PRMT8: variants seen among roughly 807,000 people sequenced by gnomAD.
PRMT8 encodes protein arginine methyltransferase 8.
A neutral mutation model predicts 47.1 loss-of-function variants in PRMT8; 7 were observed. That is an observed-to-expected ratio of 0.15 (90% confidence interval 0.08 to 0.28). The LOEUF (loss-of-function observed/expected upper bound fraction) is 0.28. PRMT8 is among the 10% of genes least tolerant of loss of function. PRMT8 has a pLI of 1.00. For synonymous variants in PRMT8, 188 were observed against 186.5 expected (o/e 1.01, Z -0.07); for missense variants, 237 against 505.4 (o/e 0.47, Z 5.09).
intron 1 of PRMT8, among the ~76,000 whole-genome samples, chr12:3,384,640 C>CT (rs879926879): frequency 2.6e-5 from 4 of 151,822 alleles, no homozygotes. Context: ...GGATGTTCTC[C>CT]TTTTTTTTAA....
At chr12:3,562,483 C>T (rs1027111380) in intron 4 of PRMT8, among the ~76,000 whole-genome samples, 2 of 152,058 alleles carry the variant, frequency 1.3e-5, no homozygotes, top group Non-Finnish European at 2.9e-5. Context: ...AACAAAATCA[C>T]AACATCATCA....
intron 4 of PRMT8, among the ~76,000 whole-genome samples, chr12:3,562,118 G>C (rs900277861): frequency 6.6e-6 from 1 of 152,122 alleles, no homozygotes; most frequent in Non-Finnish European, 1.5e-5. Flanking sequence ...AACAGCATCC[G>C]GTGGGCACTA....
chr12:3,489,833 A>ACG (rs1417633032), upstream of PRMT8, among the ~76,000 whole-genome samples: 73 of 118,990 alleles, frequency 6.1e-4, no homozygotes, highest in African/African-American at 1.5e-3. Context: ...ACACACACAC[A>ACG]CGCGCGCACA....
In PRMT8 at chr12:3,552,294, A is replaced by G; in HGVS notation, c.418-1357A>G. The G allele has an allele frequency of 6.4e-6, 1 of 156,086 alleles. No homozygotes were observed. Among genetic ancestry groups the G allele is most frequent in the Middle Eastern group, 3.3e-3 (1 of 306 alleles). The allele number at this position is 156,086 out of a possible 1,614,324, so 9.7% of individuals were successfully genotyped here. On this transcript the variant is annotated intron_variant, in intron 3 of 9. Transcript: ENST00000382622. The surrounding 1 kb of genome is among the most constrained non-coding windows in gnomAD (Gnocchi z 4.5). ...GAAGAGGGAAGAAATGGAAGAGGAG[A>G]AGATGGAAGAAAGGAAAATGAGGAG... is the stretch of plus-strand genomic sequence containing the variant.
At chr12:3,415,861 C>T (rs569678064) in intron 1 of PRMT8, among the ~76,000 whole-genome samples, 1 of 152,310 alleles carries the variant, frequency 6.6e-6, no homozygotes, top group East Asian at 1.9e-4. Context: ...TCTCCTGATT[C>T]CCAGGCCAGT....
chr12:3,429,086 GTC>G (rs908551408), intron 1 of PRMT8, among the ~76,000 whole-genome samples: 1 of 151,798 alleles, frequency 6.6e-6, no homozygotes, highest in Non-Finnish European at 1.5e-5. Context: ...GTCTCTGCTG[GTC>G]TTTCCTTGCC....
intron 1 of PRMT8, among the ~76,000 whole-genome samples, chr12:3,478,785 A>G (rs1865243568): frequency 6.6e-6 from 1 of 152,258 alleles, no homozygotes; most frequent in African/African-American, 2.4e-5. Context: ...CTGAAGAAAT[A>G]GAGAGGGGCA....
At chr12:3,446,962 T>G (rs1864861915) in intron 1 of PRMT8, among the ~76,000 whole-genome samples, 1 of 152,196 alleles carries the variant, frequency 6.6e-6, no homozygotes, top group African/African-American at 2.4e-5. Context: ...TGGTATGAAC[T>G]AACCATACAT....
intron 1 of PRMT8, among the ~76,000 whole-genome samples, chr12:3,482,265 A>C (rs1360742657): frequency 1.3e-5 from 2 of 152,226 alleles, no homozygotes; most frequent in Non-Finnish European, 2.9e-5. Context: ...GAAGAAAAGA[A>C]AAGACCATCT....
chr12:3,563,557 G>A (rs568144652), intron 4 of PRMT8, among the ~76,000 whole-genome samples: 53 of 137,162 alleles, frequency 3.9e-4, no homozygotes, highest in African/African-American at 1.3e-3. Flanking sequence ...CCAGCCGCAG[G>A]AGAAGGGTAG....
intron 6 of PRMT8, among the ~76,000 whole-genome samples, chr12:3,575,883 G>A (rs933030116): frequency 3.3e-5 from 5 of 152,154 alleles, no homozygotes; most frequent in African/African-American, 7.2e-5. Context: ...ACCCGGCATG[G>A]TGGCGGGTGC....
chr12:3,520,847 A>G (rs911796675), intron 1 of PRMT8, among the ~76,000 whole-genome samples: 11 of 152,212 alleles, frequency 7.2e-5, no homozygotes, highest in African/African-American at 2.4e-4. Context: ...AAAAATCTGG[A>G]CAAAGCAAGG....
intron 1 of PRMT8, among the ~76,000 whole-genome samples, chr12:3,523,976 C>T (rs1268239303): frequency 1.3e-5 from 2 of 152,358 alleles, no homozygotes; most frequent in African/African-American, 4.8e-5. Context: ...CTACTCGGCT[C>T]TTCATATGCC....
intron 1 of PRMT8, among the ~76,000 whole-genome samples, chr12:3,421,474 T>G (rs1252585330): frequency 6.6e-6 from 1 of 152,208 alleles, no homozygotes; most frequent in East Asian, 1.9e-4. Context: ...TCCTGGGTCC[T>G]CAGGAGCTGG....
intron 1 of PRMT8, among the ~76,000 whole-genome samples, chr12:3,427,440 A>T (rs1458446397): frequency 6.6e-6 from 1 of 152,138 alleles, no homozygotes; most frequent in Non-Finnish European, 1.5e-5. Flanking sequence ...TACACACAGA[A>T]TTTTCTTTAT....
rs900476090 is a variant in PRMT8 at position 3,572,303 on chromosome 12, A to G, written c.712+2739A>G. On this transcript the variant is annotated intron_variant, in intron 6 of 9. Transcript: ENST00000382622. This position sits in a 1 kb window ranked among gnomAD's most constrained non-coding sequence, Gnocchi z 5.9. The stretch of plus-strand genomic sequence containing the variant: ...AGGGATGTGCAAGGTGTAGTATTTA[A>G]CTCTTAGAGAGGAGCAATCATTTTA... 6.6e-6 allele frequency among the ~76,000 whole-genome samples: 1 copy of G among 152,200 alleles called. No homozygotes were observed. The highest frequency in any genetic ancestry group is 1.5e-5 in the Non-Finnish European group (1 of 68,028).
chr12:3,473,204 T>C (rs1865177165), intron 1 of PRMT8, among the ~76,000 whole-genome samples: 1 of 152,124 alleles, frequency 6.6e-6, no homozygotes, highest in Admixed American at 6.5e-5. Flanking sequence ...CCTCACAATC[T>C]GACTTTCACA....
rs1367952504 is a variant in PRMT8 at position 3,570,369 on chromosome 12, T to C, written c.712+805T>C. The stretch of plus-strand genomic sequence containing the variant: ...TAAAGTTGAACATGGCTGTGTCTCC[T>C]CAACCAGAACCAAATACAACAAAGG... On this transcript the variant is annotated intron_variant, in intron 6 of 9. Coordinates refer to ENST00000382622, the MANE Select transcript of PRMT8 (RefSeq NM_019854.5). This position sits in a 1 kb window ranked among gnomAD's most constrained non-coding sequence, Gnocchi z 5.5. 2.0e-5 allele frequency among the ~76,000 whole-genome samples: 3 copies of C among 152,154 alleles called. No homozygotes were observed. Among genetic ancestry groups the C allele is most frequent in the Non-Finnish European group, 4.4e-5 (3 of 68,022 alleles).
intron 1 of PRMT8, among the ~76,000 whole-genome samples, chr12:3,523,506 C>A (rs1364964585): frequency 1.3e-5 from 2 of 152,134 alleles, no homozygotes; most frequent in Non-Finnish European, 2.9e-5. Flanking sequence ...TTTAACCCAC[C>A]AGACAACCCT....
Sources: gnomAD v4.1 joint callset for allele counts (sites outside exome capture counted in the v4.1 genomes callset) on GRCh38, gnomAD v4.1.1 for gene constraint, Gnocchi (gnomAD v3.1) non-coding constraint, MANE v1.5 for transcripts, NCBI Gene and HGNC (gene_info 2026-07-23, HGNC 2026-07-21) for gene names.